KCNN3: variants seen among roughly 807,000 people sequenced by gnomAD.
KCNN3 encodes small conductance calcium-activated potassium channel protein 3.
In KCNN3, 16 loss-of-function variants were observed where a neutral mutation model predicts 62.9. The ratio of observed to expected loss-of-function variants is 0.25; its 90% CI spans 0.17 to 0.39. KCNN3 has a LOEUF of 0.39. KCNN3 is among the 10% of genes least tolerant of loss of function. The pLI is 1.00. For synonymous variants in KCNN3, 370 were observed against 389.2 expected (o/e 0.95, Z 0.58); for missense variants, 599 against 949.4 (o/e 0.63, Z 4.85).
chr1:154,870,118 G>T lies in KCNN3; in HGVS notation c.-154C>A. ...TGGCTTGCTTCGGTTCTCTGGGGCT[G>T]CCTGGAGTCCAGACGCTGCCACTCA... On this transcript the variant is annotated 5_prime_UTR_variant, in exon 1 of 8. Transcript: ENST00000271915. 2 of 876,056 alleles carry T rather than the reference G, an allele frequency of 2.3e-6. No homozygotes were observed. The highest frequency in any genetic ancestry group is 2.6e-5 in the East Asian group (1 of 37,948). The allele number at this position is 876,056 out of a possible 1,614,324, so 54.3% of individuals were successfully genotyped here.
Position 154,750,263 on chromosome 1 carries a change from C to T in KCNN3, c.1449-17119G>A, listed in dbSNP as rs554508028. On this transcript the variant is annotated intron_variant, in intron 3 of 7. Transcript: ENST00000271915. ...GTGCACCCCAAGCTCTGGAGAGCAG[C>T]GGCTGGAAGGGAAGGCTCCAGGCCT... 5.9e-5 allele frequency among the ~76,000 whole-genome samples: 9 copies of T among 152,250 alleles called. No homozygotes were observed. In the South Asian group the frequency reaches 1.5e-3, roughly 25 times the overall value.
At chr1:154,737,782 C>A (rs1700743470) in intron 3 of KCNN3, among the ~76,000 whole-genome samples, 1 of 152,114 alleles carries the variant, frequency 6.6e-6, no homozygotes. Context: ...TGAAGTTAGG[C>A]ATTGTGGTGT....
chr1:154,783,070 G>A (rs1339414394), intron 2 of KCNN3, among the ~76,000 whole-genome samples: 11 of 152,040 alleles, frequency 7.2e-5, no homozygotes, highest in Non-Finnish European at 1.0e-4. Context: ...AAAACTAGCC[G>A]GGCGTGGTGG....
At chr1:154,756,233 G>A (rs1260240295) in intron 3 of KCNN3, among the ~76,000 whole-genome samples, 4 of 146,012 alleles carry the variant, frequency 2.7e-5, no homozygotes, top group African/African-American at 7.7e-5. Context: ...AGGAGGAAGA[G>A]CAAGAAGAAC....
intron 5 of KCNN3, among the ~76,000 whole-genome samples, chr1:154,721,267 G>GCAGCC (rs1438704831): frequency 5.9e-5 from 9 of 151,358 alleles, no homozygotes; most frequent in Non-Finnish European, 1.3e-4. Flanking sequence ...TGTGTCCATA[G>GCAGCC]CAGCCCACTC....
At position 154,707,144 on chromosome 1, in the gene KCNN3, C is replaced by T. The variant is rs1210784519; in HGVS notation, c.*832G>A. 6.6e-6 allele frequency: 1 copy of T among 152,166 alleles called. No individual in the cohort carries two copies. Among genetic ancestry groups the T allele is most frequent in the Non-Finnish European group, 1.5e-5 (1 of 68,036 alleles). The allele number at this position is 152,166 out of a possible 1,614,324, so 9.4% of individuals were successfully genotyped here. ...AATGTGCATTATGTCTGAAGGGATC[C>T]ACATCTTCAGTGAAACTCAGAATGT... is the stretch of plus-strand genomic sequence containing the variant. On this transcript the variant is annotated 3_prime_UTR_variant, in exon 8 of 8. Transcript: ENST00000271915.
At chr1:154,851,081 C>T (rs1362530127) in intron 1 of KCNN3, among the ~76,000 whole-genome samples, 1 of 152,220 alleles carries the variant, frequency 6.6e-6, no homozygotes, top group South Asian at 2.1e-4. Context: ...CGGGTTCAAG[C>T]GATTCTCCTG....
chr1:154,808,528 C>T (rs1003072989), intron 2 of KCNN3, among the ~76,000 whole-genome samples: 10 of 152,166 alleles, frequency 6.6e-5, no homozygotes, highest in Admixed American at 2.0e-4. Context: ...TGTGTGTCTG[C>T]GTGCTTATCT....
At chr1:154,755,519 GAAAGAAA>G (rs1647611109) in intron 3 of KCNN3, among the ~76,000 whole-genome samples, 2 of 59,104 alleles carry the variant, frequency 3.4e-5, no homozygotes, top group East Asian at 2.0e-3. Context: ...AAGAAAGAAA[GAAAGAAA>G]GAAGAAGAAA....
At chr1:154,826,253 T>C (rs142571099) in intron 1 of KCNN3, among the ~76,000 whole-genome samples, 20 of 152,278 alleles carry the variant, frequency 1.3e-4, no homozygotes, top group African/African-American at 4.6e-4. Flanking sequence ...AATATGTCAA[T>C]AGAATTCCTA....
chr1:154,766,666 T>C (rs1318667057), intron 3 of KCNN3, among the ~76,000 whole-genome samples: 1 of 147,416 alleles, frequency 6.8e-6, no homozygotes, highest in Non-Finnish European at 1.5e-5. Flanking sequence ...ACTTTCCTAC[T>C]GTTTTGTTTT....
chr1:154,719,190 GC>G (rs1557940588), intron 5 of KCNN3, among the ~76,000 whole-genome samples: 1 of 152,118 alleles, frequency 6.6e-6, no homozygotes, highest in Non-Finnish European at 1.5e-5. Flanking sequence ...CATTAGCAGA[GC>G]CCCCCAGAGA....
At chr1:154,822,480 G>A (rs1248527892) in intron 1 of KCNN3, among the ~76,000 whole-genome samples, 1 of 152,202 alleles carries the variant, frequency 6.6e-6, no homozygotes, top group East Asian at 1.9e-4. Flanking sequence ...TGTTATACAC[G>A]GCTAGATTCA....
At position 154,831,895 on chromosome 1, in the gene KCNN3, C is replaced by T. The variant is rs78941048; in HGVS notation, c.934-9711G>A. ...TCTCCCTGGGACACACACTCATTAA[C>T]GTACAGAACACCAGGAGATCAGCTA... On this transcript the variant is annotated intron_variant, in intron 1 of 7. Transcript: ENST00000271915. Among the ~76,000 whole-genome samples, 1,240 of 152,136 alleles carry T rather than the reference C, an allele frequency of 8.2e-3. 14 individuals are homozygous for T. Among genetic ancestry groups the T allele is most frequent in the African/African-American group, 0.029 (1,195 of 41,486 alleles).
At chr1:154,725,697 C>T (rs186079995) in intron 5 of KCNN3, among the ~76,000 whole-genome samples, 21 of 152,222 alleles carry the variant, frequency 1.4e-4, no homozygotes, top group South Asian at 6.2e-4. Context: ...GTGTGTGCCA[C>T]CATGCCCAGC....
intron 2 of KCNN3, among the ~76,000 whole-genome samples, chr1:154,811,602 T>C (rs1001857870): frequency 2.0e-5 from 3 of 152,224 alleles, no homozygotes; most frequent in Non-Finnish European, 2.9e-5. Context: ...AACTGCTCAA[T>C]TGAATTGCAT....
intron 1 of KCNN3, among the ~76,000 whole-genome samples, chr1:154,829,733 G>A (rs984059273): frequency 5.3e-5 from 8 of 152,160 alleles, no homozygotes; most frequent in South Asian, 2.1e-4. Context: ...ATCCCTGAAC[G>A]GGGTCCATAT....
At chr1:154,726,543 A>G (rs1459932319) in intron 4 of KCNN3, among the ~76,000 whole-genome samples, 1 of 152,226 alleles carries the variant, frequency 6.6e-6, no homozygotes, top group Non-Finnish European at 1.5e-5. Flanking sequence ...AATCGAATGA[A>G]GAGGCAATAC....
At chr1:154,817,623 A>G (rs1650721514) in intron 2 of KCNN3, among the ~76,000 whole-genome samples, 1 of 152,246 alleles carries the variant, frequency 6.6e-6, no homozygotes, top group Non-Finnish European at 1.5e-5. Context: ...TCTGAAGTCT[A>G]CATTCTCAGT....
Sources: gnomAD v4.1 joint callset for allele counts (sites outside exome capture counted in the v4.1 genomes callset) on GRCh38, gnomAD v4.1.1 for gene constraint, MANE v1.5 for transcripts, NCBI Gene and HGNC (gene_info 2026-07-23, HGNC 2026-07-21) for gene names.